Variants in ANKRD11 observed in about 807,000 individuals in gnomAD.
The protein encoded by ANKRD11 is ankyrin repeat domain-containing protein 11.
Under a neutral mutation model 195.7 loss-of-function variants are expected in ANKRD11, and 17 were observed. The ratio of observed to expected loss-of-function variants is 0.09; its 90% CI spans 0.06 to 0.13. ANKRD11 has a LOEUF of 0.13. Ranked by LOEUF, ANKRD11 falls within the 10% of genes least tolerant of loss-of-function variation. The pLI is 1.00. For missense variants in ANKRD11, 3,735 were observed against 3,566.1 expected (o/e 1.05, Z -1.21); for synonymous variants, 1,953 against 1,528.1 (o/e 1.28, Z -6.49).
rs758010258 is a variant in ANKRD11, at chr16:89,283,002, C to A, written c.3540G>T (p.Glu1180Asp). 4 of 1,613,814 alleles carry A rather than the reference C, an allele frequency of 2.5e-6. No individual in the cohort carries two copies. The highest frequency in any genetic ancestry group is 1.7e-6 in the Non-Finnish European group (2 of 1,180,026). Reference sequence around the variant, plus strand: ...CTCGGTCCTTTCTCCTGTCTCTGGGCTCCTTGTCCTTCTGCCTCTCAGGGT... The same window carrying A: ...CTCGGTCCTTTCTCCTGTCTCTGGGATCCTTGTCCTTCTGCCTCTCAGGGT... ...KQHPERQKDK[E>D]PRDRRKDRGA... The change falls in exon 9 of 13, where the codon GAG (glutamate) becomes GAT (aspartate). Residue 1180 changes from glutamate to aspartate, a missense_variant. By Grantham distance (45) the Glu-to-Asp change is conservative (BLOSUM62 2). Transcript: ENST00000301030. This position sits in a 1 kb window ranked among gnomAD's most constrained non-coding sequence, Gnocchi z 4.3.
At position 89,283,771 on chromosome 16, in the gene ANKRD11, G is replaced by C. The variant is rs767593645; in HGVS notation, c.2771C>G (p.Thr924Ser). 6.2e-7 allele frequency: 1 copy of C among 1,613,356 alleles called. No homozygotes were observed. Among genetic ancestry groups the C allele is most frequent in the African/African-American group, 1.3e-5 (1 of 74,896 alleles). The stretch of plus-strand genomic sequence containing the variant: ...GCCAGGGACACTTTTATGCTTTTCG[G>C]TCTGCTCTTTCCTCTTCTCAGAGTT... ...DKNSEKRKEQ[T>S]EKHKSVPGYL... The change falls in exon 9 of 13, where the codon ACC becomes AGC. Residue 924 changes from threonine to serine, a missense_variant. By Grantham distance (58) the Thr-to-Ser change is moderately conservative (BLOSUM62 1). Transcript: ENST00000301030. The surrounding 1 kb of genome is among the most constrained non-coding windows in gnomAD (Gnocchi z 4.3).
rs2034046212 is a variant in ANKRD11 at position 89,280,014 on chromosome 16, A to G, written c.6528T>C (p.Gly2176=). The G allele has an allele frequency of 1.2e-6, 2 of 1,612,546 alleles. No individual in the cohort carries two copies. Among genetic ancestry groups the G allele is most frequent in the Non-Finnish European group, 1.7e-6 (2 of 1,179,912 alleles). The part of the protein sequence containing the change: ...MPPGAPGVIN[G]GDVSTVVAEE... ...CAGCCACTACGGTGGAAACATCCCC[A>G]CCGTTTATGACCCCGGGGGCCCCTG... is the stretch of plus-strand genomic sequence containing the variant. Residue 2176 remains glycine (G), a synonymous_variant, in exon 9 of 13, where the codon GGT becomes GGC. Coordinates refer to ENST00000301030, the MANE Select transcript of ANKRD11 (RefSeq NM_013275.6).
chr16:89,281,403 G>A lies in ANKRD11; in HGVS notation c.5139C>T (p.Pro1713=), dbSNP rs1233688090. ...VPTPTSVLSC[P]SYEEVMHTPR... ...GCGTGTGCATCACCTCCTCGTAGCT[G>A]GGGCAGGATAGCACCGACGTAGGGG... The change falls in exon 9 of 13, where the codon CCC becomes CCT. Residue 1713 remains proline, a synonymous_variant. Transcript: ENST00000301030. The surrounding 1 kb of genome is among the most constrained non-coding windows in gnomAD (Gnocchi z 5.5). The A allele has an allele frequency of 6.2e-7, 1 of 1,609,216 alleles. No individual in the cohort carries two copies. Among genetic ancestry groups the A allele is most frequent in the Non-Finnish European group, 8.5e-7 (1 of 1,176,302 alleles).
At chr16:89,330,744 T>TA (rs2151964805) in intron 2 of ANKRD11, among the ~76,000 whole-genome samples, 1 of 145,706 alleles carries the variant, frequency 6.9e-6, no homozygotes, top group South Asian at 2.2e-4. Flanking sequence ...CCTCATCCTG[T>TA]TCCTCCTCGG....
intron 3 of ANKRD11, among the ~76,000 whole-genome samples, chr16:89,314,336 G>A (rs1192219876): frequency 6.6e-6 from 1 of 152,158 alleles, no homozygotes; most frequent in Non-Finnish European, 1.5e-5. Context: ...GAAAAGCCCA[G>A]AGTGAAATCC....
chr16:89,453,811 G>A (rs374057896), intron 1 of ANKRD11, among the ~76,000 whole-genome samples: 2 of 152,148 alleles, frequency 1.3e-5, no homozygotes, highest in East Asian at 3.9e-4. Flanking sequence ...AAACATGACT[G>A]GAGACAGAAC....
chr16:89,482,986 T>C (rs1248332046), intron 1 of ANKRD11, among the ~76,000 whole-genome samples: 2 of 152,218 alleles, frequency 1.3e-5, no homozygotes, highest in Non-Finnish European at 2.9e-5. Flanking sequence ...GTTAGGCTTC[T>C]AATCAACAGA....
At chr16:89,276,692 G>C (rs1299245247) in intron 9 of ANKRD11, among the ~76,000 whole-genome samples, 3 of 152,222 alleles carry the variant, frequency 2.0e-5, no homozygotes, top group Non-Finnish European at 4.4e-5. Context: ...AGGGGAGGCT[G>C]GGCGTGCAGC....
At chr16:89,368,741 T>TA (rs1422578898) in intron 2 of ANKRD11, among the ~76,000 whole-genome samples, 2 of 151,688 alleles carry the variant, frequency 1.3e-5, no homozygotes, top group East Asian at 1.9e-4. Context: ...GACCAGTTTC[T>TA]AAAAAAATAC....
At chr16:89,437,328 C>T (rs957736941) in intron 1 of ANKRD11, among the ~76,000 whole-genome samples, 2 of 152,228 alleles carry the variant, frequency 1.3e-5, no homozygotes, top group African/African-American at 4.8e-5. Context: ...AAGTGAAAGA[C>T]TGTATTGTTT....
intron 1 of ANKRD11, among the ~76,000 whole-genome samples, chr16:89,425,061 AAAC>A (rs2042663271): frequency 6.6e-6 from 1 of 152,072 alleles, no homozygotes; most frequent in Non-Finnish European, 1.5e-5. Flanking sequence ...TCTTACAACA[AAAC>A]ACAAGCTCAA....
At chr16:89,447,687 T>C (rs1197229788) in intron 1 of ANKRD11, among the ~76,000 whole-genome samples, 1 of 152,168 alleles carries the variant, frequency 6.6e-6, no homozygotes, top group Non-Finnish European at 1.5e-5. Context: ...ACGCAGGCCC[T>C]CGGCCTCCCA....
intron 3 of ANKRD11, among the ~76,000 whole-genome samples, chr16:89,311,022 G>T (rs1393662227): frequency 6.6e-6 from 1 of 152,228 alleles, no homozygotes; most frequent in African/African-American, 2.4e-5. Flanking sequence ...GATGTCAGTT[G>T]CAGGTTTTCA....
At chr16:89,366,296 G>C (rs778564821) in intron 2 of ANKRD11, among the ~76,000 whole-genome samples, 1 of 152,110 alleles carries the variant, frequency 6.6e-6, no homozygotes, top group East Asian at 1.9e-4. Flanking sequence ...ACATTCGCCC[G>C]CATGTGTCTT....
intron 3 of ANKRD11, among the ~76,000 whole-genome samples, chr16:89,315,390 C>T (rs1474185564): frequency 2.0e-5 from 3 of 152,204 alleles, no homozygotes; most frequent in Non-Finnish European, 4.4e-5. Context: ...CAGGGACCAC[C>T]GGGAAGCGTG....
At chr16:89,365,639 C>A (rs564323451) in intron 2 of ANKRD11, among the ~76,000 whole-genome samples, 56 of 152,260 alleles carry the variant, frequency 3.7e-4, no homozygotes, top group African/African-American at 1.3e-3. Flanking sequence ...GAGCAGTAAG[C>A]CAAGTAGGGG....
At chr16:89,411,558 C>T (rs558476627) in intron 2 of ANKRD11, among the ~76,000 whole-genome samples, 79 of 152,256 alleles carry the variant, frequency 5.2e-4, no homozygotes, top group African/African-American at 1.8e-3. Flanking sequence ...TGACGACAGG[C>T]ACACACAACC....
chr16:89,359,619 G>T (rs61138583), intron 2 of ANKRD11, among the ~76,000 whole-genome samples: 15,224 of 152,210 alleles, frequency 0.1, 2,599 homozygotes, highest in African/African-American at 0.35. Context: ...GCACAGAGCT[G>T]CTCATTTCAG....
At chr16:89,423,864 G>A (rs369844397) in intron 1 of ANKRD11, among the ~76,000 whole-genome samples, 153 of 152,282 alleles carry the variant, frequency 1.0e-3, no homozygotes, top group African/African-American at 3.0e-3. Flanking sequence ...CACAATAAGC[G>A]AACAAAATGT....
Sources: gnomAD v4.1 joint callset for allele counts (sites outside exome capture counted in the v4.1 genomes callset) on GRCh38, gnomAD v4.1.1 for gene constraint, Gnocchi (gnomAD v3.1) non-coding constraint, MANE v1.5 for transcripts, NCBI Gene and HGNC (gene_info 2026-07-23, HGNC 2026-07-21) for gene names.